The following NUMBL variants were observed in gnomAD, a reference collection of about 807,000 sequenced individuals.
NUMBL encodes the protein numb-like protein.
Under a neutral mutation model 48.9 loss-of-function variants are expected in NUMBL, and 20 were observed. The ratio of observed to expected loss-of-function variants is 0.41; its 90% CI spans 0.29 to 0.59. The LOEUF (loss-of-function observed/expected upper bound fraction) is 0.59, where lower values mean the gene tolerates loss of function less well. NUMBL is among the 20% of genes least tolerant of loss of function. NUMBL has a pLI of 0.31. For missense variants in NUMBL, 660 were observed against 846.2 expected (o/e 0.78, Z 2.73); for synonymous variants, 340 against 348.7 (o/e 0.98, Z 0.28).
chr19:40,667,867 C>T lies in NUMBL; in HGVS notation c.1431G>A (p.Val477=), dbSNP rs1349557191. 1.3e-6 allele frequency: 2 copies of T among 1,588,876 alleles called. No individual in the cohort carries two copies. The highest frequency in any genetic ancestry group is 1.7e-6 in the Non-Finnish European group (2 of 1,167,680). Residue 477 remains valine (V), a synonymous_variant, in exon 10 of 10, where the codon GTG becomes GTA. Coordinates refer to ENST00000252891, the MANE Select transcript of NUMBL (RefSeq NM_004756.5). The surrounding 1 kb of genome is among the most constrained non-coding windows in gnomAD (Gnocchi z 6.1). ...VGPFDAAPAQ[V]AVFLPPPHMQ... The stretch of plus-strand genomic sequence containing the variant: ...TGTGTGGGGGTGGCAGGAACACGGC[C>T]ACTTGGGCAGGTGCAGCGTCAAAGG...
Position 40,680,903 on chromosome 19 carries a change from G to A in NUMBL, c.540+14C>T, listed in dbSNP as rs540689706. On this transcript the variant is annotated intron_variant, in intron 6 of 9. Coordinates refer to ENST00000252891, the MANE Select transcript of NUMBL (RefSeq NM_004756.5). ...CATGGGAGGGAAGAGTTGGCCAGCT[G>A]TGGCAATACTCACGGAGTCCTTCAG... The A allele has an allele frequency of 1.3e-5, 21 of 1,614,034 alleles. 1 individual carries two copies. The highest frequency in any genetic ancestry group is 1.7e-5 in the Non-Finnish European group (20 of 1,179,990).
rs576949876 is a variant in NUMBL at position 40,686,974 on chromosome 19, G to A, written c.46C>T (p.Arg16Trp). ...AASGGPRRPE[R>W]HLPPAPCGAP... ...CCACAGGGGGCTGGGGGCAGGTGCCGCTCAGGCCTCCGGGGTCCGCCCTGC... is the reference window on the plus strand; with the variant it reads ...CCACAGGGGGCTGGGGGCAGGTGCCACTCAGGCCTCCGGGGTCCGCCCTGC... The change falls in exon 2 of 10, where the codon CGG (arginine) becomes TGG (tryptophan). Residue 16 changes from arginine to tryptophan, a missense_variant. This residue lies in a region of NUMBL where 86 missense variants were observed against 85.9 expected (regional missense o/e 1.00). Coordinates refer to ENST00000252891, the MANE Select transcript of NUMBL (RefSeq NM_004756.5). 6.9e-5 allele frequency: 106 copies of A among 1,526,706 alleles called. No individual in the cohort carries two copies. Among genetic ancestry groups the A allele is most frequent in the Non-Finnish European group, 8.5e-5 (97 of 1,138,070 alleles). 94.6% of individuals were successfully genotyped at this position (1,526,706 alleles called of 1,614,324 possible).
At position 40,673,478 on chromosome 19, in the gene NUMBL, A is replaced by G. The variant is rs1192526014; in HGVS notation, c.902T>C (p.Val301Ala). Residue 301 changes from valine (V) to alanine (A), a missense_variant, in exon 8 of 10, where the codon GTT becomes GCT. By Grantham distance (64) the Val-to-Ala change is moderately conservative (BLOSUM62 0). This residue lies in a region of NUMBL where 278 missense variants were observed against 420.6 expected (regional missense o/e 0.66). Coordinates refer to ENST00000252891, the MANE Select transcript of NUMBL (RefSeq NM_004756.5). This position sits in a 1 kb window ranked among gnomAD's most constrained non-coding sequence, Gnocchi z 5.9. ...GAACCCACGGAAGGAGCCCTGGCGA[A>G]CCAGCTGCTCCAGGGGTGCATGGCG... Reference protein sequence around the residue: ...PRRHAPLEQLVRQGSFRGFPA... With the variant: ...PRRHAPLEQLARQGSFRGFPA... The G allele has an allele frequency of 6.3e-7, 1 of 1,599,668 alleles. No individual in the cohort carries two copies. Among genetic ancestry groups the G allele is most frequent in the Non-Finnish European group, 8.5e-7 (1 of 1,173,488 alleles).
In NUMBL at chr19:40,679,180, A is replaced by G. The variant is rs148265618; in HGVS notation, c.540+1737T>C. 1.9e-4 allele frequency among the ~76,000 whole-genome samples: 29 copies of G among 152,208 alleles called. No individual in the cohort carries two copies. In the East Asian group the frequency reaches 5.6e-3, roughly 29 times the overall value. ...CAAGGTGACTGGATCGCTTGAGTCC[A>G]GGAGTTCGAGACCAGCCTGGGCAAC... On this transcript the variant is annotated intron_variant, in intron 6 of 9. Coordinates refer to ENST00000252891, the MANE Select transcript of NUMBL (RefSeq NM_004756.5).
At chr19:40,681,564 T>C (rs954114320) in intron 5 of NUMBL, among the ~76,000 whole-genome samples, 4 of 152,158 alleles carry the variant, frequency 2.6e-5, no homozygotes, top group African/African-American at 9.7e-5. Context: ...GATACCTAGA[T>C]TGTGGCCTCA....
At position 40,684,887 on chromosome 19, in the gene NUMBL, A is replaced by G. The variant is rs2081926397; in HGVS notation, c.110-331T>C. 11 of 301,330 alleles carry G rather than the reference A, an allele frequency of 3.7e-5. No individual in the cohort carries two copies. In the South Asian group the frequency reaches 5.0e-4, roughly 14 times the overall value. 18.7% of individuals were successfully genotyped at this position (301,330 alleles called of 1,614,324 possible). On this transcript the variant is annotated intron_variant, in intron 2 of 9. Coordinates refer to ENST00000252891, the MANE Select transcript of NUMBL (RefSeq NM_004756.5). ...TTGTCCATGTGGTGGATGCTTCCTCATTCCCAGGGCCGTGAGGACACAAAG... is the reference window on the plus strand; with the variant it reads ...TTGTCCATGTGGTGGATGCTTCCTCGTTCCCAGGGCCGTGAGGACACAAAG...
chr19:40,680,017 C>T (rs571994737), intron 6 of NUMBL, among the ~76,000 whole-genome samples: 127 of 152,036 alleles, frequency 8.4e-4, no homozygotes, highest in African/African-American at 3.0e-3. Flanking sequence ...AATTCTACTG[C>T]TTAATGGTTA....
Position 40,667,861 on chromosome 19 carries a change from C to T in NUMBL, c.1437G>A (p.Val479=). The T allele has an allele frequency of 1.3e-6, 2 of 1,589,884 alleles. No individual in the cohort carries two copies. The highest frequency in any genetic ancestry group is 2.3e-5 in the East Asian group (1 of 43,574). ...GCTGCATGTGTGGGGGTGGCAGGAA[C>T]ACGGCCACTTGGGCAGGTGCAGCGT... ...PFDAAPAQVA[V]FLPPPHMQPP... The change falls in exon 10 of 10, where the codon GTG becomes GTA. Residue 479 remains valine, a synonymous_variant. Transcript: ENST00000252891. The surrounding 1 kb of genome is among the most constrained non-coding windows in gnomAD (Gnocchi z 6.1).
At chr19:40,669,611 T>C (rs1436773853) in intron 9 of NUMBL, among the ~76,000 whole-genome samples, 1 of 151,906 alleles carries the variant, frequency 6.6e-6, no homozygotes, top group African/African-American at 2.4e-5. Context: ...TTTAAGGTGA[T>C]TGCATGATTC....
rs1000120456 is a variant in NUMBL at position 40,666,131 on chromosome 19, TAGA to T, written c.*1334_*1336del. 6.7e-6 allele frequency: 1 copy of T among 149,112 alleles called. No individual in the cohort carries two copies. Among genetic ancestry groups the T allele is most frequent in the African/African-American group, 2.5e-5 (1 of 40,150 alleles). 9.2% of individuals were successfully genotyped at this position (149,112 alleles called of 1,614,324 possible). ...GTTAAAATATTAATATTGAGCTAAT[TAGA>T]AGTAGTTTTTTTTTTTTTGTTTTTT... On this transcript the variant is annotated 3_prime_UTR_variant, in exon 10 of 10. Transcript: ENST00000252891.
chr19:40,673,596 C>A lies in NUMBL; in HGVS notation c.784G>T (p.Val262Leu), dbSNP rs542662512. 1.3e-6 allele frequency: 2 copies of A among 1,531,692 alleles called. No homozygotes were observed. Among genetic ancestry groups the A allele is most frequent in the Non-Finnish European group, 1.8e-6 (2 of 1,134,804 alleles). 94.9% of individuals were successfully genotyped at this position (1,531,692 alleles called of 1,614,324 possible). A position where few individuals can be genotyped will look rare whatever the true frequency, so the allele number is the denominator to read the frequency against. Residue 262 changes from valine to leucine, a missense_variant, in exon 8 of 10, where the codon GTG (valine) becomes TTG (leucine). By Grantham distance (32) the Val-to-Leu change is conservative. Transcript: ENST00000252891. The surrounding 1 kb of genome is among the most constrained non-coding windows in gnomAD (Gnocchi z 5.9). ...GATGTGGTGGCTGGTGTCGGGGACA[C>A]GTGCCCAGGCTGGGCAGGGCCAGGA... ...VAPGPAQPGH[V>L]SPTPATTSPG...
At chr19:40,689,057 T>C (rs970752521) in intron 1 of NUMBL, among the ~76,000 whole-genome samples, 1 of 152,030 alleles carries the variant, frequency 6.6e-6, no homozygotes. Flanking sequence ...GTATATAAAA[T>C]CAGGTAGAGA....
rs773521538 is a variant in NUMBL at position 40,686,934 on chromosome 19, G to GGGGGCCCC, written c.78_85dup (p.Pro29ArgfsTer17). ...ACCTGGCTCCGTCCTGCAGGTTTCT[G>GGGGGCCCC]GGGGCCCCGGGGCCCCACAGGGGGC... is the stretch of plus-strand genomic sequence containing the variant. On this transcript the variant is annotated frameshift_variant, in exon 2 of 10. Transcript: ENST00000252891. LOFTEE classifies it high-confidence loss of function. 5 of 1,542,638 alleles carry GGGGGCCCC rather than the reference G, an allele frequency of 3.2e-6. No individual in the cohort carries two copies. Among genetic ancestry groups the GGGGGCCCC allele is most frequent in the African/African-American group, 1.4e-5 (1 of 72,842 alleles).
rs535663941 is a variant in NUMBL, at chr19:40,682,726, A to G, written c.399+2T>C. ...TGGCGTCCACCCCCACAGGCCTCCT[A>G]CCTTGGTTTTGTCGTCCACCACTCG... On this transcript the variant is annotated splice_donor_variant, in intron 5 of 9. Transcript: ENST00000252891. LOFTEE classifies it high-confidence loss of function. The surrounding 1 kb of genome is among the most constrained non-coding windows in gnomAD (Gnocchi z 4.0). 33 of 1,613,958 alleles carry G rather than the reference A, an allele frequency of 2.0e-5. No individual in the cohort carries two copies. The East Asian group carries it at 6.7e-4, about 33-fold the overall frequency.
At chr19:40,684,249 T>C in intron 3 of NUMBL, 168 bp downstream of exon 3, 1 of 685,672 alleles carries the variant, frequency 1.5e-6, no homozygotes, top group Non-Finnish European at 2.3e-6. Flanking sequence ...GTTGTATTTC[T>C]AGTAGAGCCG....
At chr19:40,684,179 C>T (rs2081921122) in intron 3 of NUMBL, 1 of 466,406 alleles carries the variant, frequency 2.1e-6, no homozygotes, top group South Asian at 2.3e-5. Flanking sequence ...AGCGATTCTC[C>T]TGTCTCAGCC....
intron 2 of NUMBL, 89 bp from the exon 3 acceptor site, chr19:40,684,645 G>A: frequency 1.4e-6 from 2 of 1,474,750 alleles, no homozygotes; most frequent in Non-Finnish European, 1.8e-6. Context: ...AGGGAGCATG[G>A]GGTCAGATAA....
In NUMBL at chr19:40,683,122, G is replaced by A. The variant is rs968886878; in HGVS notation, c.250-154C>T. 7.0e-6 allele frequency: 5 copies of A among 713,178 alleles called. No individual in the cohort carries two copies. In the East Asian group the frequency reaches 1.1e-4, roughly 15 times the overall value. The allele number at this position is 713,178 out of a possible 1,614,324, so 44.2% of individuals were successfully genotyped here. On this transcript the variant is annotated intron_variant, in intron 3 of 9. Coordinates refer to ENST00000252891, the MANE Select transcript of NUMBL (RefSeq NM_004756.5). ...CTGCATCTCAACTCTACAAGGTGGA[G>A]ACCCCATTCCTGGTCTAGACATGCA...
intron 6 of NUMBL, among the ~76,000 whole-genome samples, chr19:40,678,251 C>T (rs926064607): frequency 6.6e-6 from 1 of 152,162 alleles, no homozygotes; most frequent in African/African-American, 2.4e-5. Context: ...CAACCTCCAC[C>T]TCCCGGCTTC....
Sources: allele counts gnomAD v4.1 joint callset (sites outside exome capture counted in the v4.1 genomes callset), GRCh38; gene constraint gnomAD v4.1.1; regional missense constraint gnomAD v4.1.1; non-coding constraint Gnocchi (gnomAD v3.1); transcripts MANE v1.5; gene names NCBI Gene and HGNC (gene_info 2026-07-23, HGNC 2026-07-21).